The following SRSF7 variants were observed in gnomAD, a reference collection of about 807,000 sequenced individuals.
The protein encoded by SRSF7 is serine/arginine-rich splicing factor 7.
SRSF7 carries 15 observed loss-of-function variants against 42.2 expected under a neutral mutation model. That is an observed-to-expected ratio of 0.36 (90% CI 0.24 to 0.55). The LOEUF is 0.55. SRSF7 is among the 20% of genes least tolerant of loss of function. The pLI, the probability that SRSF7 is intolerant of heterozygous loss-of-function variation, is 0.88. For missense variants in SRSF7, 181 were observed against 305.9 expected (o/e 0.59, Z 3.04); for synonymous variants, 138 against 107.9 (o/e 1.28, Z -1.73).
At chr2:38,745,989 C>CA (rs60846029) in intron 7 of SRSF7, among the ~76,000 whole-genome samples, 155 bp downstream of exon 7, 133 of 144,550 alleles carry the variant, frequency 9.2e-4, no homozygotes, top group African/African-American at 2.4e-3. Flanking sequence ...GTTACTGAAT[C>CA]AAAAAAAAAA....
chr2:38,751,084 C>T, intron 1 of SRSF7, 145 bp downstream of exon 1: 1 of 1,070,506 alleles, frequency 9.3e-7, no homozygotes. Context: ...ACCCCGCCTC[C>T]GCTGCCTCCG....
rs769723052 is a variant in SRSF7, at chr2:38,746,124, CAACAA to C, written c.662+15_662+19del. The C allele has an allele frequency of 3.7e-6, 6 of 1,614,020 alleles. No individual in the cohort carries two copies. Among genetic ancestry groups the C allele is most frequent in the Non-Finnish European group, 5.1e-6 (6 of 1,179,942 alleles). On this transcript the variant is annotated intron_variant, in intron 7 of 7. Coordinates refer to ENST00000313117, the MANE Select transcript of SRSF7 (RefSeq NM_001031684.3). The stretch of plus-strand genomic sequence containing the variant: ...GCCACACTTGACAGGCAAGATTTGG[CAACAA>C]AACATTTAGCTTACCTTCTTTTTGG...
Position 38,743,734 on chromosome 2 carries a change from A to T in SRSF7, c.*1399T>A. 6.5e-6 allele frequency: 1 copy of T among 152,678 alleles called. No homozygotes were observed. Among genetic ancestry groups the T allele is most frequent in the Non-Finnish European group, 1.5e-5 (1 of 68,048 alleles). The allele number at this position is 152,678 out of a possible 1,614,324, so 9.5% of individuals were successfully genotyped here. On this transcript the variant is annotated 3_prime_UTR_variant, in exon 8 of 8. Coordinates refer to ENST00000313117, the MANE Select transcript of SRSF7 (RefSeq NM_001031684.3). ...CATAACTTTATACCAACCATAATTC[A>T]GCCAGTCAAAATTCCAAAAACAATC...
At chr2:38,751,400 T>A, upstream of SRSF7, 8 of 1,050,882 alleles carry the variant, frequency 7.6e-6, no homozygotes, top group Non-Finnish European at 1.1e-5. Flanking sequence ...ATGCGGCCGC[T>A]GCGCTTTGCG....
intron 7 of SRSF7, among the ~76,000 whole-genome samples, 166 bp downstream of exon 7, chr2:38,745,978 T>C (rs993199531): frequency 6.6e-6 from 1 of 152,138 alleles, no homozygotes; most frequent in South Asian, 2.1e-4. Flanking sequence ...TATAAACTAA[T>C]GTTACTGAAT....
intron 1 of SRSF7, chr2:38,750,763 C>G (rs375712804): frequency 6.1e-6 from 1 of 164,692 alleles, no homozygotes; most frequent in African/African-American, 2.4e-5. Context: ...GATTGTTTGA[C>G]GAGAACATGC....
Position 38,751,348 on chromosome 2 carries a change from C to G in SRSF7, c.-92G>C. On this transcript the variant is annotated 5_prime_UTR_variant, in exon 1 of 8. Coordinates refer to ENST00000313117, the MANE Select transcript of SRSF7 (RefSeq NM_001031684.3). ...ACACACACCTTCACCCGCCAAGAGTCCCGGCGGCACTACGAGGAAGAGCCC... is the reference window on the plus strand; with the variant it reads ...ACACACACCTTCACCCGCCAAGAGTGCCGGCGGCACTACGAGGAAGAGCCC... The G allele has an allele frequency of 1.9e-6, 3 of 1,575,142 alleles. No homozygotes were observed. The highest frequency in any genetic ancestry group is 2.6e-6 in the Non-Finnish European group (3 of 1,148,148).
At chr2:38,748,441 C>G (rs900418435) in intron 4 of SRSF7, 138 bp downstream of exon 4, 1 of 839,316 alleles carries the variant, frequency 1.2e-6, no homozygotes, top group African/African-American at 1.7e-5. Flanking sequence ...AGCAGTGAGT[C>G]GTGGTTATGC....
Position 38,751,294 on chromosome 2 carries a change from C to G in SRSF7, c.-38G>C. On this transcript the variant is annotated 5_prime_UTR_variant, in exon 1 of 8. Coordinates refer to ENST00000313117, the MANE Select transcript of SRSF7 (RefSeq NM_001031684.3). ...GCGTGCTCGGCTCTTTAGCAAGCAG[C>G]GCCCAGGGCTCGAGTGACGCAAAAG... is the stretch of plus-strand genomic sequence containing the variant. 6.2e-7 allele frequency: 1 copy of G among 1,613,818 alleles called. No homozygotes were observed. The highest frequency in any genetic ancestry group is 8.5e-7 in the Non-Finnish European group (1 of 1,179,868).
Position 38,749,622 on chromosome 2 carries a change from C to G in SRSF7, c.293G>C (p.Arg98Pro). 6.2e-7 allele frequency: 1 copy of G among 1,608,526 alleles called. No individual in the cohort carries two copies. The highest frequency in any genetic ancestry group is 8.5e-7 in the Non-Finnish European group (1 of 1,178,596). Residue 98 changes from arginine to proline, a missense_variant, in exon 3 of 8, where the codon CGT (arginine) becomes CCT (proline). Arg to Pro is a moderately radical substitution (Grantham distance 103). Coordinates refer to ENST00000313117, the MANE Select transcript of SRSF7 (RefSeq NM_001031684.3). ...GCATCTATCATTTGGATCAAAGGGA[C>G]GTCGGGCAGGTGGTCTATCAAAACG... ...RSRFDRPPAR[R>P]PFDPNDRCYE...
At chr2:38,748,258 C>A in intron 4 of SRSF7, 101 bp from the exon 5 acceptor site, 1 of 863,600 alleles carries the variant, frequency 1.2e-6, no homozygotes. Context: ...CCCATAATCC[C>A]AGCACTGCGG....
Position 38,744,124 on chromosome 2 carries a change from T to A in SRSF7, c.*1009A>T. 1 of 152,622 alleles carries A rather than the reference T, an allele frequency of 6.6e-6. No homozygotes were observed. Among genetic ancestry groups the A allele is most frequent in the Non-Finnish European group, 1.5e-5 (1 of 68,044 alleles). 9.5% of individuals were successfully genotyped at this position (152,622 alleles called of 1,614,324 possible). A position where few individuals can be genotyped will look rare whatever the true frequency, so the allele number is the denominator to read the frequency against. ...GATTTACAAAACCACTTTAGTCTCA[T>A]TGACATTTCTGATTGACATCTTTAA... On this transcript the variant is annotated 3_prime_UTR_variant, in exon 8 of 8. Transcript: ENST00000313117.
At chr2:38,750,673 T>C (rs1323844913) in intron 1 of SRSF7, among the ~76,000 whole-genome samples, 2 of 139,138 alleles carry the variant, frequency 1.4e-5, no homozygotes, top group Admixed American at 1.5e-4. Flanking sequence ...CCCAGAGCCA[T>C]AAACCGCGCT....
Position 38,743,855 on chromosome 2 carries a change from A to T in SRSF7, c.*1278T>A. ...CAATAGTATCCAATGACTTTGCTGA[A>T]ATGCATAAAATGGACAAGCCTAGGT... On this transcript the variant is annotated 3_prime_UTR_variant, in exon 8 of 8. Transcript: ENST00000313117. The T allele has an allele frequency of 6.6e-6, 1 of 152,438 alleles. No homozygotes were observed. The highest frequency in any genetic ancestry group is 2.4e-5 in the African/African-American group (1 of 41,444). 9.4% of individuals were successfully genotyped at this position (152,438 alleles called of 1,614,324 possible).
chr2:38,749,646 C>T lies in SRSF7; in HGVS notation c.269G>A (p.Arg90His). 6.2e-7 allele frequency: 1 copy of T among 1,603,284 alleles called. No homozygotes were observed. Among genetic ancestry groups the T allele is most frequent in the South Asian group, 1.1e-5 (1 of 88,554 alleles). ...ELSTGMPRRSRFDRPPARRPF... is the reference protein window; with the variant it reads ...ELSTGMPRRSHFDRPPARRPF... ...ACGTCGGGCAGGTGGTCTATCAAAA[C>T]GTGATCTCCGAGGCATGCCTGTCGA... The change falls in exon 3 of 8, where the codon CGT becomes CAT. Residue 90 changes from arginine (R) to histidine (H), a missense_variant. Arg to His is a conservative substitution (Grantham distance 29). Around this residue, in one of 2 missense-constraint regions of SRSF7, gnomAD observed 45 missense variants for 158.1 expected, o/e 0.28. Transcript: ENST00000313117.
intron 6 of SRSF7, 83 bp downstream of exon 6, chr2:38,746,611 A>C: frequency 1.3e-6 from 2 of 1,584,142 alleles, no homozygotes; most frequent in Non-Finnish European, 1.7e-6. Flanking sequence ...TAACACTTAA[A>C]ATTTCAACAA....
Position 38,744,851 on chromosome 2 carries a change from A to G in SRSF7, c.*282T>C. 1.7e-5 allele frequency: 6 copies of G among 355,380 alleles called. No homozygotes were observed. The highest frequency in any genetic ancestry group is 4.2e-5 in the African/African-American group (2 of 48,008). The allele number at this position is 355,380 out of a possible 1,614,324, so 22.0% of individuals were successfully genotyped here. A position where few individuals can be genotyped will look rare whatever the true frequency, so the allele number is the denominator to read the frequency against. ...CAATTATAATGTCTGACTCTCAAAT[A>G]TATCAAATTAAGAAGTGTTAATATT... is the stretch of plus-strand genomic sequence containing the variant. On this transcript the variant is annotated 3_prime_UTR_variant, in exon 8 of 8. Coordinates refer to ENST00000313117, the MANE Select transcript of SRSF7 (RefSeq NM_001031684.3).
chr2:38,746,825 G>C (rs1359801990), intron 5 of SRSF7, 78 bp from the exon 6 acceptor site: 19 of 1,588,114 alleles, frequency 1.2e-5, no homozygotes, highest in Non-Finnish European at 1.6e-5. Context: ...ACTGTATTAG[G>C]TTGGTCAGGC....
At chr2:38,747,894 G>A (rs527834836) in intron 5 of SRSF7, among the ~76,000 whole-genome samples, 153 bp downstream of exon 5, 46 of 152,026 alleles carry the variant, frequency 3.0e-4, no homozygotes, top group Admixed American at 2.8e-3. Flanking sequence ...TGTAAAACTA[G>A]GTTAATATTT....
Sources: gnomAD v4.1 joint callset for allele counts (sites outside exome capture counted in the v4.1 genomes callset) on GRCh38, gnomAD v4.1.1 for gene constraint, gnomAD v4.1.1 regional missense constraint, MANE v1.5 for transcripts, NCBI Gene and HGNC (gene_info 2026-07-23, HGNC 2026-07-21) for gene names.